Variants in SUGCT observed in about 807,000 individuals in gnomAD.
The protein encoded by SUGCT is succinyl-CoA:glutarate CoA-transferase.
Under a neutral mutation model 55.0 loss-of-function variants are expected in SUGCT, and 41 were observed. The observed-to-expected ratio is 0.74, with a 90% confidence interval of 0.58 to 0.97. SUGCT has a LOEUF of 0.97. Among genes scored for constraint, SUGCT ranks in the 50% least tolerant of loss-of-function variants. The pLI, the probability that SUGCT is intolerant of heterozygous loss-of-function variation, is 0.00. For missense variants in SUGCT, 568 were observed against 547.8 expected (o/e 1.04, Z -0.37); for synonymous variants, 187 against 200.4 (o/e 0.93, Z 0.56).
At chr7:40,869,031 A>G in the SUGCT span, among the ~76,000 whole-genome samples, 1 of 152,228 alleles carries the variant, frequency 6.6e-6, no homozygotes, top group East Asian at 1.9e-4. Context: ...TAATCCTATT[A>G]GCTAATCTAT....
intron 7 of SUGCT, among the ~76,000 whole-genome samples, chr7:40,267,215 T>A (rs1030375758): frequency 2.0e-5 from 3 of 152,184 alleles, no homozygotes; most frequent in Admixed American, 2.0e-4. Context: ...CCCTTTCTTG[T>A]CTTTATTGAT....
intron 12 of SUGCT, among the ~76,000 whole-genome samples, chr7:40,687,571 G>A (rs1784518216): frequency 6.6e-6 from 1 of 152,132 alleles, no homozygotes; most frequent in African/African-American, 2.4e-5. Context: ...ATGAGGAGCT[G>A]AGGAACCACT....
At chr7:40,377,212 T>C (rs1400046317) in intron 9 of SUGCT, among the ~76,000 whole-genome samples, 4,469 of 18,408 alleles carry the variant, frequency 0.24, 1,664 homozygotes, top group Non-Finnish European at 0.61. Context: ...TCTTTTCTTT[T>C]CTTTCTTTTC....
At chr7:41,034,172 G>C in the SUGCT span, among the ~76,000 whole-genome samples, 1 of 152,148 alleles carries the variant, frequency 6.6e-6, no homozygotes, top group African/African-American at 2.4e-5. Context: ...ATGGTGTTGA[G>C]AGCATTTAAA....
At chr7:40,303,869 G>A (rs1049338424) in intron 8 of SUGCT, among the ~76,000 whole-genome samples, 2 of 152,094 alleles carry the variant, frequency 1.3e-5, no homozygotes, top group Non-Finnish European at 2.9e-5. Flanking sequence ...GCTGACGTGG[G>A]TGGATCACTT....
At chr7:40,393,985 G>A (rs1167539362) in intron 9 of SUGCT, among the ~76,000 whole-genome samples, 1 of 152,184 alleles carries the variant, frequency 6.6e-6, no homozygotes, top group Non-Finnish European at 1.5e-5. Context: ...TCTAGGGATT[G>A]TGTCTCAGTC....
chr7:40,577,776 A>G (rs1000967680), intron 12 of SUGCT, among the ~76,000 whole-genome samples: 3 of 152,080 alleles, frequency 2.0e-5, no homozygotes, highest in Non-Finnish European at 4.4e-5. Context: ...TTGGCATCAT[A>G]TTATCAAGGT....
At chr7:40,646,253 G>T (rs1040255559) in intron 12 of SUGCT, among the ~76,000 whole-genome samples, 1 of 152,100 alleles carries the variant, frequency 6.6e-6, no homozygotes, top group African/African-American at 2.4e-5. Context: ...GCCCCGTTAT[G>T]CTTCACTTGG....
At chr7:40,279,098 A>G (rs1792762975) in intron 8 of SUGCT, among the ~76,000 whole-genome samples, 1 of 151,644 alleles carries the variant, frequency 6.6e-6, no homozygotes, top group Admixed American at 6.6e-5. Flanking sequence ...TGGCCTGCCA[A>G]CATGTTGGTA....
intron 12 of SUGCT, among the ~76,000 whole-genome samples, chr7:40,608,839 C>T (rs750821441): frequency 6.6e-6 from 1 of 152,164 alleles, no homozygotes; most frequent in African/African-American, 2.4e-5. Flanking sequence ...TTAACTTAAA[C>T]TGTCTTCAGA....
chr7:40,632,672 C>G (rs1322508339), intron 12 of SUGCT, among the ~76,000 whole-genome samples: 2 of 151,710 alleles, frequency 1.3e-5, no homozygotes, highest in African/African-American at 4.8e-5. Flanking sequence ...TTCATTCATT[C>G]ATTTGTTCAA....
chr7:40,512,040 T>C (rs540557270), intron 12 of SUGCT, among the ~76,000 whole-genome samples: 1 of 152,252 alleles, frequency 6.6e-6, no homozygotes, highest in African/African-American at 2.4e-5. Flanking sequence ...AATTCATTTT[T>C]CTTTACAAAA....
chr7:40,339,123 G>A (rs1796896521), intron 9 of SUGCT, among the ~76,000 whole-genome samples: 1 of 152,156 alleles, frequency 6.6e-6, no homozygotes, highest in Non-Finnish European at 1.5e-5. Context: ...GTCTCAGAGG[G>A]GTACCCAGCC....
chr7:40,173,846 A>G (rs1372904356), intron 1 of SUGCT, among the ~76,000 whole-genome samples: 1 of 149,122 alleles, frequency 6.7e-6, no homozygotes, highest in Non-Finnish European at 1.5e-5. Flanking sequence ...AGTATATCAT[A>G]TAAATTATAT....
At chr7:40,230,404 C>G (rs1010790240) in intron 6 of SUGCT, among the ~76,000 whole-genome samples, 1 of 152,146 alleles carries the variant, frequency 6.6e-6, no homozygotes, top group Non-Finnish European at 1.5e-5. Flanking sequence ...TTATTTTTAT[C>G]CTACAGGCAA....
intron 9 of SUGCT, among the ~76,000 whole-genome samples, chr7:40,330,624 G>A (rs953127431): frequency 2.0e-5 from 3 of 152,134 alleles, no homozygotes; most frequent in African/African-American, 4.8e-5. Flanking sequence ...TCATAAAGTA[G>A]CAAGTGTTTG....
chr7:40,280,498 C>T (rs1437087438), intron 8 of SUGCT, among the ~76,000 whole-genome samples: 1 of 152,118 alleles, frequency 6.6e-6, no homozygotes, highest in East Asian at 1.9e-4. Context: ...ATTACTACTA[C>T]AATGAGTTAG....
At chr7:40,178,408 T>C (rs1785026662) in intron 1 of SUGCT, among the ~76,000 whole-genome samples, 1 of 152,216 alleles carries the variant, frequency 6.6e-6, no homozygotes, top group African/African-American at 2.4e-5. Flanking sequence ...AAGTAATTTT[T>C]CCGAGAAAGG....
intron 1 of SUGCT, among the ~76,000 whole-genome samples, chr7:40,150,367 C>T (rs1171962822): frequency 6.6e-6 from 1 of 152,122 alleles, no homozygotes. Flanking sequence ...CCAAGTTATC[C>T]TTAAAACCTC....
Sources: gnomAD v4.1 joint callset for allele counts (sites outside exome capture counted in the v4.1 genomes callset) on GRCh38, gnomAD v4.1.1 for gene constraint, MANE v1.5 for transcripts, NCBI Gene and HGNC (gene_info 2026-07-23, HGNC 2026-07-21) for gene names.